Variants in KIAA1549 observed in about 807,000 individuals in gnomAD.
The protein encoded by KIAA1549 is UPF0606 protein KIAA1549.
Under a neutral mutation model 156.4 loss-of-function variants are expected in KIAA1549, and 70 were observed. The ratio of observed to expected loss-of-function variants is 0.45; its 90% confidence interval spans 0.37 to 0.55. The LOEUF (loss-of-function observed/expected upper bound fraction) is 0.55, where lower values mean the gene tolerates loss of function less well. KIAA1549 is among the 20% of genes least tolerant of loss of function. The probability of loss-of-function intolerance (pLI) is 0.00; values close to 1 mark genes in which losing one functional copy is unlikely to be tolerated. For missense variants in KIAA1549, 2,428 were observed against 2,540.9 expected, an observed-to-expected ratio of 0.96 and a Z score of 0.96; for synonymous variants, 1,103 against 1,066.4, an observed-to-expected ratio of 1.03 and a Z score of -0.67.
chr7:138,861,724 A>G (rs1810590875), intron 15 of KIAA1549, among the ~76,000 whole-genome samples: 1 of 151,126 alleles, frequency 6.6e-6, no homozygotes, highest in Non-Finnish European at 1.5e-5. Context: ...AAAAGAAATT[A>G]GCCAGGTGTG....
At chr7:138,921,650 A>G (rs1812567531) in intron 1 of KIAA1549, among the ~76,000 whole-genome samples, 2 of 152,144 alleles carry the variant, frequency 1.3e-5, no homozygotes, top group African/African-American at 4.8e-5. Context: ...GCGGATCATG[A>G]GGTCAGGAGT....
Position 138,981,155 on chromosome 7 carries a change from G to GGCGGGCGCA in KIAA1549, c.106_114dup (p.Cys36_Arg38dup), listed in dbSNP as rs1322999594. 4.2e-6 allele frequency: 5 copies of GGCGGGCGCA among 1,191,600 alleles called. No homozygotes were observed. The highest frequency in any genetic ancestry group is 4.5e-5 in the Admixed American group (1 of 22,196). The allele number at this position is 1,191,600 out of a possible 1,614,324, so 73.8% of individuals were successfully genotyped here. On this transcript the variant is annotated inframe_insertion, in exon 1 of 20. Coordinates refer to ENST00000422774, the MANE Select transcript of KIAA1549 (RefSeq NM_001164665.2). The surrounding 1 kb of genome is among the most constrained non-coding windows in gnomAD (Gnocchi z 4.5). ...GGAAGCAGCAGCCCCGGGCGGCGGCGGCGGGCGCAGCGGGCGGAAGGCCGT... is the reference window on the plus strand; with the variant it reads ...GGAAGCAGCAGCCCCGGGCGGCGGCGGCGGGCGCAGCGGGCGCAGCGGGCGGAAGGCCGT...
intron 12 of KIAA1549, among the ~76,000 whole-genome samples, chr7:138,878,486 C>T (rs1269969583): frequency 2.6e-5 from 4 of 152,180 alleles, no homozygotes; most frequent in African/African-American, 9.7e-5. Flanking sequence ...CCTGGCCGGG[C>T]GTGGTGGCTC....
At position 138,903,840 on chromosome 7, in the gene KIAA1549, TGTGTGTGTGTGTGCGCGC is replaced by T. The variant is rs1377911869; in HGVS notation, c.3521-122_3521-105del. 9.5e-5 allele frequency: 48 copies of T among 506,028 alleles called. 1 individual carries two copies. The highest frequency in any genetic ancestry group is 2.2e-4 in the African/African-American group (5 of 22,342). The allele number at this position is 506,028 out of a possible 1,614,324, so 31.3% of individuals were successfully genotyped here. A position where few individuals can be genotyped will look rare whatever the true frequency, so the allele number is the denominator to read the frequency against. ...GTGTGTGTGTGTGTGTGTGTGTGTG[TGTGTGTGTGTGTGCGCGC>T]GCGCGCGCGCGCACATATGTATTTG... is the stretch of plus-strand genomic sequence containing the variant. On this transcript the variant is annotated intron_variant, in intron 7 of 19. Transcript: ENST00000422774.
chr7:138,938,663 C>A (rs1441602397), intron 1 of KIAA1549, among the ~76,000 whole-genome samples: 1 of 152,224 alleles, frequency 6.6e-6, no homozygotes, highest in South Asian at 2.1e-4. Context: ...TCTAAAACTG[C>A]AGTCCCTTCC....
chr7:138,964,765 G>T (rs1057178721), intron 1 of KIAA1549, among the ~76,000 whole-genome samples: 5 of 152,206 alleles, frequency 3.3e-5, no homozygotes, highest in African/African-American at 9.7e-5. Flanking sequence ...TGGCACTCTG[G>T]TGCATTGCTA....
Position 138,834,692 on chromosome 7 carries a change from A to C in KIAA1549, c.*3214T>G, listed in dbSNP as rs1809651818. 4.3e-6 allele frequency: 1 copy of C among 232,608 alleles called. No individual in the cohort carries two copies. Among genetic ancestry groups the C allele is most frequent in the Admixed American group, 5.6e-5 (1 of 17,766 alleles). 14.4% of individuals were successfully genotyped at this position (232,608 alleles called of 1,614,324 possible). ...GGAGTGAGGAAACTGAGTCACACCG[A>C]GCTTTCGGTTTTGCTCATTACCCAT... On this transcript the variant is annotated 3_prime_UTR_variant, in exon 20 of 20. Transcript: ENST00000422774.
chr7:138,954,897 C>T (rs1460819919), intron 1 of KIAA1549, among the ~76,000 whole-genome samples: 1 of 152,042 alleles, frequency 6.6e-6, no homozygotes, highest in African/African-American at 2.4e-5. Context: ...AAGGGGGACC[C>T]AGGGGCTGAG....
chr7:138,946,613 T>A (rs1007242039), intron 1 of KIAA1549, among the ~76,000 whole-genome samples: 2 of 152,126 alleles, frequency 1.3e-5, no homozygotes, highest in African/African-American at 4.8e-5. Context: ...ACCCCGTCTC[T>A]ACCAAAAATA....
intron 1 of KIAA1549, among the ~76,000 whole-genome samples, chr7:138,928,433 C>T (rs12113772): frequency 0.24 from 35,640 of 151,526 alleles, 5,230 homozygotes; most frequent in African/African-American, 0.42. Context: ...ACTATAGGCA[C>T]GTGCCACCAC....
intron 1 of KIAA1549, among the ~76,000 whole-genome samples, chr7:138,973,265 G>C (rs1330786656): frequency 6.6e-6 from 1 of 152,118 alleles, no homozygotes; most frequent in Non-Finnish European, 1.5e-5. Flanking sequence ...ATAACATAAA[G>C]AGCTTGTGGA....
chr7:138,887,450 G>A (rs1382429519), intron 10 of KIAA1549, among the ~76,000 whole-genome samples: 1 of 152,112 alleles, frequency 6.6e-6, no homozygotes, highest in East Asian at 1.9e-4. Flanking sequence ...CAGTTTTCTA[G>A]GAGCAGGCAG....
At position 138,837,335 on chromosome 7, in the gene KIAA1549, G is replaced by A. The variant is rs965462928; in HGVS notation, c.*571C>T. On this transcript the variant is annotated 3_prime_UTR_variant, in exon 20 of 20. Transcript: ENST00000422774. ...GTGATGGCTTTGTTTGGAGTCATCA[G>A]GCTCTACAACCTATCATTTGGTTTC... 1.0e-4 allele frequency: 24 copies of A among 228,938 alleles called. No homozygotes were observed. The highest frequency in any genetic ancestry group is 5.1e-4 in the African/African-American group (23 of 45,092). The allele number at this position is 228,938 out of a possible 1,614,324, so 14.2% of individuals were successfully genotyped here. A position where few individuals can be genotyped will look rare whatever the true frequency, so the allele number is the denominator to read the frequency against.
chr7:138,888,306 G>C (rs913708643), intron 10 of KIAA1549, among the ~76,000 whole-genome samples: 3 of 152,210 alleles, frequency 2.0e-5, no homozygotes, highest in African/African-American at 7.2e-5. Flanking sequence ...AGGGAGAGCT[G>C]AGTTAATACT....
intron 14 of KIAA1549, among the ~76,000 whole-genome samples, chr7:138,868,712 C>T (rs780340796): frequency 5.3e-5 from 8 of 152,204 alleles, no homozygotes; most frequent in Non-Finnish European, 1.2e-4. Flanking sequence ...GAATTATAGG[C>T]GTGAGCCACC....
At chr7:138,893,332 G>A (rs893321463) in intron 10 of KIAA1549, among the ~76,000 whole-genome samples, 5 of 152,042 alleles carry the variant, frequency 3.3e-5, no homozygotes, top group African/African-American at 9.7e-5. Context: ...TAAAAAAATC[G>A]AGAGAACTTT....
intron 1 of KIAA1549, among the ~76,000 whole-genome samples, chr7:138,977,655 AACACACAC>A (rs10625706): frequency 2.7e-5 from 4 of 146,814 alleles, no homozygotes; most frequent in Admixed American, 6.8e-5. Context: ...TACTCAAGAA[AACACACAC>A]ACACACACAC....
intron 1 of KIAA1549, among the ~76,000 whole-genome samples, chr7:138,956,154 A>T (rs549385746): frequency 6.6e-6 from 1 of 152,324 alleles, no homozygotes; most frequent in African/African-American, 2.4e-5. Flanking sequence ...TCAGCCTCCC[A>T]AAGTCAGCAC....
intron 1 of KIAA1549, among the ~76,000 whole-genome samples, chr7:138,935,865 C>T (rs1812995971): frequency 6.6e-6 from 1 of 152,180 alleles, no homozygotes; most frequent in Admixed American, 6.5e-5. Flanking sequence ...CGGCTGGAAG[C>T]AGCAGCAAGG....
Sources: gnomAD v4.1 joint callset for allele counts (sites outside exome capture counted in the v4.1 genomes callset) on GRCh38, gnomAD v4.1.1 for gene constraint, Gnocchi (gnomAD v3.1) non-coding constraint, MANE v1.5 for transcripts, NCBI Gene and HGNC (gene_info 2026-07-23, HGNC 2026-07-21) for gene names.